RIMS2: variants seen among roughly 807,000 people sequenced by gnomAD.
RIMS2 encodes the protein regulating synaptic membrane exocytosis 2.
Under a neutral mutation model 174.4 loss-of-function variants are expected in RIMS2, and 59 were observed. The ratio of observed to expected loss-of-function variants is 0.34; its 90% CI spans 0.27 to 0.42. The LOEUF (loss-of-function observed/expected upper bound fraction) is 0.42. Ranked by LOEUF, RIMS2 falls within the 10% of genes least tolerant of loss-of-function variation. The probability of loss-of-function intolerance (pLI) is 1.00; values close to 1 mark genes in which losing one functional copy is unlikely to be tolerated. For missense variants in RIMS2, 1,620 were observed against 1,666.3 expected, an observed-to-expected ratio of 0.97 and a Z score of 0.48; for synonymous variants, 606 against 572.5, an observed-to-expected ratio of 1.06 and a Z score of -0.84.
At chr8:103,633,189 G>A (rs1283532036) in intron 1 of RIMS2, among the ~76,000 whole-genome samples, 1 of 95,606 alleles carries the variant, frequency 1.0e-5, no homozygotes, top group Non-Finnish European at 2.1e-5. Context: ...ACCACGCCCG[G>A]CTATTTTTTT....
chr8:103,730,620 G>A (rs186315636), intron 2 of RIMS2, among the ~76,000 whole-genome samples: 42 of 152,150 alleles, frequency 2.8e-4, no homozygotes, highest in African/African-American at 8.2e-4. Flanking sequence ...TACCTTACAC[G>A]TCACAATTAC....
chr8:103,717,215 G>A (rs951834085), intron 2 of RIMS2, among the ~76,000 whole-genome samples: 5 of 147,834 alleles, frequency 3.4e-5, no homozygotes. Context: ...CTCAGTTGGG[G>A]ATGATGTAGA....
intron 18 of RIMS2, 98 bp downstream of exon 20, chr8:104,013,719 T>C: frequency 1.1e-6 from 1 of 921,074 alleles, no homozygotes; most frequent in South Asian, 1.5e-5. Context: ...CATCTTTGGC[T>C]GATCACTAGT....
chr8:104,173,087 T>A (rs1374522), intron 19 of RIMS2, among the ~76,000 whole-genome samples: 65,844 of 152,074 alleles, frequency 0.43, 14,744 homozygotes, highest in East Asian at 0.63. Context: ...AAATTACAAT[T>A]TTCCTGCTTA....
chr8:103,590,302 G>C (rs75445248), intron 1 of RIMS2, among the ~76,000 whole-genome samples: 1,541 of 151,466 alleles, frequency 0.01, 30 homozygotes, highest in African/African-American at 0.035. Context: ...AACAAATTCA[G>C]TAAAGCTTCA....
intron 1 of RIMS2, among the ~76,000 whole-genome samples, chr8:103,690,700 C>A (rs1320411680): frequency 6.6e-6 from 1 of 152,148 alleles, no homozygotes; most frequent in African/African-American, 2.4e-5. Flanking sequence ...TTGATGCATT[C>A]ATCTTTTAAT....
chr8:104,148,697 A>C (rs377596789), intron 19 of RIMS2: 39 of 1,598,232 alleles, frequency 2.4e-5, no homozygotes, highest in Middle Eastern at 1.6e-4. Context: ...ACATGTGCTC[A>C]CTGGAGAAGA....
chr8:104,249,379 G>GA, intron 21 of RIMS2, 108 bp from the exon 28 acceptor site: 1 of 558,824 alleles, frequency 1.8e-6, no homozygotes, highest in Non-Finnish European at 3.2e-6. Context: ...TTGAATTTAA[G>GA]AAAATATATG....
At chr8:103,723,439 G>C (rs1425645853) in intron 2 of RIMS2, among the ~76,000 whole-genome samples, 6 of 152,248 alleles carry the variant, frequency 3.9e-5, no homozygotes, top group Admixed American at 3.9e-4. Flanking sequence ...CTTGCTGCTG[G>C]AGTCTGTGGG....
At chr8:104,184,827 C>G (rs1467074446) in intron 19 of RIMS2, among the ~76,000 whole-genome samples, 1 of 151,496 alleles carries the variant, frequency 6.6e-6, no homozygotes, top group Non-Finnish European at 1.5e-5. Flanking sequence ...TGACACTCAT[C>G]TGCCTCCTTT....
chr8:104,125,729 G>A (rs745508105), intron 19 of RIMS2, among the ~76,000 whole-genome samples: 2 of 151,980 alleles, frequency 1.3e-5, no homozygotes, highest in Non-Finnish European at 2.9e-5. Flanking sequence ...AAACAAATAA[G>A]AATTGACTAC....
chr8:104,168,192 T>A (rs1003490616), intron 19 of RIMS2, among the ~76,000 whole-genome samples: 1 of 152,126 alleles, frequency 6.6e-6, no homozygotes, highest in Non-Finnish European at 1.5e-5. Context: ...TTTTTCTAGC[T>A]CTGTGAAGAA....
At chr8:103,914,628 T>A (rs1030496839) in intron 6 of RIMS2, among the ~76,000 whole-genome samples, 41 of 152,324 alleles carry the variant, frequency 2.7e-4, no homozygotes, top group African/African-American at 9.9e-4. Context: ...ATTGAAGCTA[T>A]GTGCAAGTCA....
intron 19 of RIMS2, among the ~76,000 whole-genome samples, chr8:104,136,598 C>T (rs1320872008): frequency 6.6e-6 from 1 of 152,052 alleles, no homozygotes; most frequent in Non-Finnish European, 1.5e-5. Flanking sequence ...ACATATACAC[C>T]ATGGAATGCT....
intron 16 of RIMS2, among the ~76,000 whole-genome samples, chr8:103,987,001 A>G (rs559312940): frequency 2.6e-5 from 4 of 152,262 alleles, no homozygotes; most frequent in African/African-American, 4.8e-5. Context: ...AAAAAGTACT[A>G]TGGGTAAGTT....
chr8:104,218,318 T>C (rs1223278825), intron 19 of RIMS2, among the ~76,000 whole-genome samples: 1 of 152,184 alleles, frequency 6.6e-6, no homozygotes, highest in African/African-American at 2.4e-5. Context: ...TTTCCATTAC[T>C]TCCCAGAGGG....
At chr8:103,795,450 G>A (rs1008399642) in intron 3 of RIMS2, among the ~76,000 whole-genome samples, 1 of 151,600 alleles carries the variant, frequency 6.6e-6, no homozygotes, top group Admixed American at 6.6e-5. Flanking sequence ...GGGGGAGGCG[G>A]GAGGGATAGC....
intron 19 of RIMS2, among the ~76,000 whole-genome samples, chr8:104,063,741 G>A (rs1256438169): frequency 6.6e-6 from 1 of 152,148 alleles, no homozygotes; most frequent in African/African-American, 2.4e-5. Flanking sequence ...GGATGACTGA[G>A]TCAACAATAC....
chr8:104,152,240 A>C (rs2098694395), intron 19 of RIMS2, among the ~76,000 whole-genome samples: 1 of 152,190 alleles, frequency 6.6e-6, no homozygotes, highest in Admixed American at 6.5e-5. Context: ...TTACATAGCA[A>C]ATGATAAAAT....
Sources: allele counts gnomAD v4.1 joint callset (sites outside exome capture counted in the v4.1 genomes callset), GRCh38; gene constraint gnomAD v4.1.1; transcripts MANE v1.5; gene names NCBI Gene and HGNC (gene_info 2026-07-23, HGNC 2026-07-21).